KLF12: variants seen among roughly 807,000 people sequenced by gnomAD.
The protein encoded by KLF12 is Krueppel-like factor 12.
A neutral mutation model predicts 37.8 loss-of-function variants in KLF12; 9 were observed. That is an observed-to-expected ratio of 0.24 (90% CI 0.14 to 0.42). KLF12 has a LOEUF of 0.42. Ranked by LOEUF, KLF12 falls within the 10% of genes least tolerant of loss-of-function variation. The pLI, the probability that KLF12 is intolerant of heterozygous loss-of-function variation, is 1.00. For missense variants in KLF12, 411 were observed against 516.0 expected (o/e 0.80, Z 1.97); for synonymous variants, 208 against 202.1 (o/e 1.03, Z -0.25).
the KLF12 span, among the ~76,000 whole-genome samples, chr13:74,148,167 G>A: frequency 2.0e-5 from 3 of 151,706 alleles, no homozygotes; most frequent in Non-Finnish European, 4.4e-5. Context: ...CACCCGCCTC[G>A]GCCTCCCAAG....
intron 6 of KLF12, among the ~76,000 whole-genome samples, chr13:73,735,540 CAG>C (rs1877390527): frequency 6.6e-6 from 1 of 151,956 alleles, no homozygotes; most frequent in African/African-American, 2.4e-5. Context: ...GCGAGGCACA[CAG>C]GAAGTGAAGA....
At chr13:73,729,784 AAATAC>A (rs199722209) in intron 6 of KLF12, among the ~76,000 whole-genome samples, 5,611 of 152,274 alleles carry the variant, frequency 0.037, 104 homozygotes, top group South Asian at 0.098. Flanking sequence ...TGACTCAATA[AAATAC>A]AATAACAATT....
At chr13:73,697,281 A>C (rs185970197) in intron 7 of KLF12, among the ~76,000 whole-genome samples, 1 of 152,218 alleles carries the variant, frequency 6.6e-6, no homozygotes, top group African/African-American at 2.4e-5. Context: ...CAGCCCTTTC[A>C]GAAGAGAGTG....
chr13:73,854,225 G>C (rs1406331478), intron 3 of KLF12, among the ~76,000 whole-genome samples: 1 of 152,134 alleles, frequency 6.6e-6, no homozygotes, highest in African/African-American at 2.4e-5. Context: ...ACTTTTAGGG[G>C]ATAAATCTTT....
chr13:73,929,477 G>A (rs901804885), intron 3 of KLF12, among the ~76,000 whole-genome samples: 3 of 152,186 alleles, frequency 2.0e-5, no homozygotes, highest in African/African-American at 7.2e-5. Context: ...ACATCGTATC[G>A]CATAGTCATC....
intron 1 of KLF12, among the ~76,000 whole-genome samples, chr13:74,065,493 C>T (rs1220064761): frequency 6.6e-6 from 1 of 152,066 alleles, no homozygotes; most frequent in Non-Finnish European, 1.5e-5. Flanking sequence ...TAAGACCTAT[C>T]ATGATGCAGA....
At chr13:74,274,201 C>T in the KLF12 span, among the ~76,000 whole-genome samples, 20 of 152,220 alleles carry the variant, frequency 1.3e-4, no homozygotes, top group Middle Eastern at 0.01. Flanking sequence ...TATGTTGAAG[C>T]TTAAGCCCAC....
At chr13:73,850,743 C>T (rs1594168847) in intron 3 of KLF12, among the ~76,000 whole-genome samples, 1 of 152,174 alleles carries the variant, frequency 6.6e-6, no homozygotes, top group African/African-American at 2.4e-5. Flanking sequence ...ACAAGATGGT[C>T]CCAGCTATCT....
chr13:74,029,975 A>T (rs1367216312), intron 1 of KLF12, among the ~76,000 whole-genome samples: 2 of 152,114 alleles, frequency 1.3e-5, no homozygotes, highest in Non-Finnish European at 2.9e-5. Flanking sequence ...TAAATTACTT[A>T]AAGTTCTGTA....
chr13:73,793,435 A>G (rs1310730856), intron 5 of KLF12, among the ~76,000 whole-genome samples: 2 of 152,230 alleles, frequency 1.3e-5, no homozygotes, highest in Admixed American at 6.5e-5. Context: ...AGACATCTAT[A>G]GGTACCATTT....
chr13:74,123,390 G>A (rs1018065897), intron 1 of KLF12, among the ~76,000 whole-genome samples: 1 of 152,188 alleles, frequency 6.6e-6, no homozygotes, highest in South Asian at 2.1e-4. Context: ...GCACATTAAA[G>A]ATCTAAAAGA....
the KLF12 span, among the ~76,000 whole-genome samples, chr13:74,273,133 AC>A: frequency 6.6e-6 from 1 of 152,160 alleles, no homozygotes; most frequent in African/African-American, 2.4e-5. Context: ...AAAAATCTAA[AC>A]ATAGAAATAA....
intron 1 of KLF12, among the ~76,000 whole-genome samples, chr13:74,105,833 A>C (rs773911437): frequency 4.6e-5 from 7 of 152,228 alleles, no homozygotes; most frequent in Non-Finnish European, 8.8e-5. Flanking sequence ...AGAAGAAGAA[A>C]ATGGCTTTTG....
rs182136646 is a variant in KLF12, at chr13:74,103,701, C to A, written c.-32+30038G>T. ...AATGTTTCATTTTCTTTGAGATGATCCCAAACTAAAAAGACAACTTCCAGG... is the reference window on the plus strand; with the variant it reads ...AATGTTTCATTTTCTTTGAGATGATACCAAACTAAAAAGACAACTTCCAGG... On this transcript the variant is annotated intron_variant, in intron 1 of 7. Coordinates refer to ENST00000377669, the MANE Select transcript of KLF12 (RefSeq NM_007249.5). 2.0e-4 allele frequency among the ~76,000 whole-genome samples: 31 copies of A among 152,208 alleles called. No individual in the cohort carries two copies. In the East Asian group the frequency reaches 5.8e-3, roughly 28 times the overall value.
chr13:73,689,916 T>C lies in KLF12; in HGVS notation c.*5574A>G, dbSNP rs1873722048. 1 of 152,222 alleles carries C rather than the reference T, an allele frequency of 6.6e-6. No homozygotes were observed. The highest frequency in any genetic ancestry group is 2.1e-4 in the South Asian group (1 of 4,834). The allele number at this position is 152,222 out of a possible 1,614,324, so 9.4% of individuals were successfully genotyped here. A position where few individuals can be genotyped will look rare whatever the true frequency, so the allele number is the denominator to read the frequency against. On this transcript the variant is annotated 3_prime_UTR_variant, in exon 8 of 8. Transcript: ENST00000377669. ...TTGGGGCAAATGACAGTCAACTTTT[T>C]ATCTGGAAATTATAATTACCATATG...
the KLF12 span, among the ~76,000 whole-genome samples, chr13:74,266,326 C>T: frequency 2.0e-5 from 3 of 152,104 alleles, no homozygotes; most frequent in Non-Finnish European, 4.4e-5. Context: ...TGCTACTGGA[C>T]CTTGGTAGGA....
intron 5 of KLF12, 133 bp from the exon 6 acceptor site, chr13:73,765,133 T>C: frequency 1.7e-6 from 1 of 584,146 alleles, no homozygotes; most frequent in Non-Finnish European, 3.0e-6. Context: ...TGAACCCCTC[T>C]TAGTAAATGA....
chr13:74,016,385 G>A (rs1892689102), intron 1 of KLF12, among the ~76,000 whole-genome samples: 1 of 152,060 alleles, frequency 6.6e-6, no homozygotes, highest in Admixed American at 6.5e-5. Flanking sequence ...TAAGAGACAA[G>A]GTCTTGCTCT....
At chr13:74,125,279 C>T (rs530131100) in intron 1 of KLF12, among the ~76,000 whole-genome samples, 1 of 151,954 alleles carries the variant, frequency 6.6e-6, no homozygotes, top group East Asian at 1.9e-4. Flanking sequence ...CTACTAAAAC[C>T]CTGAAACCTC....
Sources: gnomAD v4.1 joint callset for allele counts (sites outside exome capture counted in the v4.1 genomes callset) on GRCh38, gnomAD v4.1.1 for gene constraint, MANE v1.5 for transcripts, NCBI Gene and HGNC (gene_info 2026-07-23, HGNC 2026-07-21) for gene names.